Variants in RABGAP1L observed in about 807,000 individuals in gnomAD.
RABGAP1L encodes RAB GTPase activating protein 1 like, also known as rab GTPase-activating protein 1-like.
RABGAP1L carries 63 observed loss-of-function variants against 137.7 expected under a neutral mutation model. The ratio of observed to expected loss-of-function variants is 0.46; its 90% confidence interval spans 0.37 to 0.56. RABGAP1L has a LOEUF of 0.56. Ranked by LOEUF, RABGAP1L falls within the 20% of genes least tolerant of loss-of-function variation. The pLI is 0.00. For synonymous variants in RABGAP1L, 431 were observed against 433.7 expected, an observed-to-expected ratio of 0.99 and a Z score of 0.08; for missense variants, 1,095 against 1,244.0, an observed-to-expected ratio of 0.88 and a Z score of 1.80.
Position 174,817,912 on chromosome 1 carries a change from C to T in RABGAP1L, c.2340+5952C>T, listed in dbSNP as rs891638820. Among the ~76,000 whole-genome samples the T allele has an allele frequency of 3.3e-5, 5 of 152,092 alleles. No homozygotes were observed. In the South Asian group the frequency reaches 6.2e-4, roughly 19 times the overall value. On this transcript the variant is annotated intron_variant, in intron 19 of 25. Coordinates refer to ENST00000681986, the MANE Select transcript of RABGAP1L (RefSeq NM_001366446.1). ...CCTCAGGGCAGATAAAGAGAGCCAG[C>T]GATAGCACTTAGGATTCTTACTTAA...
chr1:174,195,779 T>TC (rs1360903909), intron 1 of RABGAP1L, among the ~76,000 whole-genome samples: 4 of 126,416 alleles, frequency 3.2e-5, no homozygotes, highest in African/African-American at 1.2e-4. Flanking sequence ...CTCTTTCCTT[T>TC]CTTTCTTTTC....
intron 19 of RABGAP1L, among the ~76,000 whole-genome samples, chr1:174,935,961 A>G (rs1156981589): frequency 6.7e-6 from 1 of 149,124 alleles, no homozygotes; most frequent in African/African-American, 2.5e-5. Context: ...AGCCTGGACA[A>G]CAAGAGTAAA....
intron 19 of RABGAP1L, among the ~76,000 whole-genome samples, chr1:174,884,301 G>A (rs748566202): frequency 8.6e-4 from 131 of 152,196 alleles, no homozygotes; most frequent in Middle Eastern, 3.4e-3. Context: ...CCTCCTTATC[G>A]GATTGGCACA....
At chr1:174,635,520 C>T (rs1673934258) in intron 13 of RABGAP1L, among the ~76,000 whole-genome samples, 1 of 152,120 alleles carries the variant, frequency 6.6e-6, no homozygotes, top group African/African-American at 2.4e-5. Flanking sequence ...TACCTTTATA[C>T]TTACCTTATT....
At position 174,327,980 on chromosome 1, in the gene RABGAP1L, C is replaced by CAT. The variant is rs1171437559; in HGVS notation, c.1465+22854_1465+22855insTA. 2.6e-3 allele frequency among the ~76,000 whole-genome samples: 279 copies of CAT among 105,878 alleles called. 11 individuals carry two copies. Among genetic ancestry groups the CAT allele is most frequent in the African/African-American group, 0.01 (252 of 24,250 alleles). 69.5% of individuals were successfully genotyped at this position (105,878 alleles called of 152,430 possible). A position where few individuals can be genotyped will look rare whatever the true frequency, so the allele number is the denominator to read the frequency against. On this transcript the variant is annotated intron_variant, in intron 11 of 25. Coordinates refer to ENST00000681986, the MANE Select transcript of RABGAP1L (RefSeq NM_001366446.1). ...AAATATATATATATATATATATATA[C>CAT]ACACACATATATATATATATATATA...
In RABGAP1L at chr1:174,798,923, A is replaced by G. The variant is rs536365758; in HGVS notation, c.2212-12909A>G. ...GTCATTTTGCCTTCATTTGGCTACA[A>G]CTGATTATTTATTCACAACAAGTAA... On this transcript the variant is annotated intron_variant, in intron 18 of 25. Transcript: ENST00000681986. Among the ~76,000 whole-genome samples, 38 of 152,354 alleles carry G rather than the reference A, an allele frequency of 2.5e-4. No individual in the cohort carries two copies. In the East Asian group the frequency reaches 6.0e-3, roughly 24 times the overall value.
At chr1:174,306,565 T>G (rs1043867825) in intron 11 of RABGAP1L, among the ~76,000 whole-genome samples, 1 of 152,248 alleles carries the variant, frequency 6.6e-6, no homozygotes, top group African/African-American at 2.4e-5. Flanking sequence ...AATATCTTCT[T>G]GAAGTATCTT....
intron 13 of RABGAP1L, among the ~76,000 whole-genome samples, chr1:174,454,659 C>T (rs1440008444): frequency 1.3e-5 from 2 of 150,978 alleles, no homozygotes; most frequent in African/African-American, 4.9e-5. Context: ...ACGCCATTCT[C>T]CTGTCTCAGC....
intron 19 of RABGAP1L, among the ~76,000 whole-genome samples, chr1:174,918,836 C>T (rs1661324609): frequency 7.1e-6 from 1 of 140,012 alleles, no homozygotes; most frequent in Non-Finnish European, 1.5e-5. Flanking sequence ...CCCCCGATCT[C>T]TACACAAAAT....
intron 13 of RABGAP1L, among the ~76,000 whole-genome samples, chr1:174,626,598 T>G (rs571077332): frequency 1.3e-5 from 2 of 152,266 alleles, no homozygotes; most frequent in East Asian, 3.9e-4. Context: ...GGAAGCAGTT[T>G]GTTCACAATA....
At chr1:174,908,514 A>G (rs78145665) in intron 19 of RABGAP1L, among the ~76,000 whole-genome samples, 9,411 of 151,458 alleles carry the variant, frequency 0.062, 414 homozygotes, top group South Asian at 0.088. Context: ...AACACATTAA[A>G]TAAGTAAGTT....
Position 174,804,274 on chromosome 1 carries a change from G to GTTTTTTGGTTT in RABGAP1L, c.2212-7551_2212-7550insGTTTTTTTTTG, listed in dbSNP as rs1553254973. ...TTTTTTGTTTGTTTTGTTTTGTTTT[G>GTTTTTTGGTTT]TTTTTTGTTTTTTTTTTTGAGATAG... On this transcript the variant is annotated intron_variant, in intron 18 of 25. Transcript: ENST00000681986. Among the ~76,000 whole-genome samples, 41 of 138,202 alleles carry GTTTTTTGGTTT rather than the reference G, an allele frequency of 3.0e-4. 1 individual carries two copies. The South Asian group carries it at 4.6e-3, about 15-fold the overall frequency. The allele number at this position is 138,202 out of a possible 152,430, so 90.7% of individuals were successfully genotyped here.
chr1:174,914,338 G>A (rs529105092), intron 19 of RABGAP1L, among the ~76,000 whole-genome samples: 2 of 152,282 alleles, frequency 1.3e-5, no homozygotes, highest in Non-Finnish European at 2.9e-5. Context: ...AGGGGCACAA[G>A]TATCAAATGA....
At chr1:174,515,973 C>T (rs971669542) in intron 13 of RABGAP1L, among the ~76,000 whole-genome samples, 1 of 151,930 alleles carries the variant, frequency 6.6e-6, no homozygotes, top group Non-Finnish European at 1.5e-5. Context: ...AAAATAGGAG[C>T]CAAGCTTCTA....
intron 13 of RABGAP1L, among the ~76,000 whole-genome samples, chr1:174,494,247 A>G (rs1164501758): frequency 6.6e-6 from 1 of 152,054 alleles, no homozygotes; most frequent in Non-Finnish European, 1.5e-5. Context: ...TTTTGTGTTG[A>G]TGTTCTGTTT....
Position 174,561,253 on chromosome 1 carries a change from T to C in RABGAP1L, c.1711-76122T>C, listed in dbSNP as rs546574762. Among the ~76,000 whole-genome samples the C allele has an allele frequency of 7.1e-4, 108 of 152,272 alleles. 2 individuals carry two copies. In the South Asian group the frequency reaches 0.021, roughly 30 times the overall value. ...GAGCCAAATCATGAGTGAACTCCCA[T>C]TCACAATTGCTATAAAGAGAATAAA... On this transcript the variant is annotated intron_variant, in intron 13 of 25. Transcript: ENST00000681986.
intron 17 of RABGAP1L, among the ~76,000 whole-genome samples, chr1:174,702,549 A>AAC (rs1450917015): frequency 6.6e-6 from 1 of 152,180 alleles, no homozygotes; most frequent in Non-Finnish European, 1.5e-5. Context: ...ACCAGTATAA[A>AAC]ATGCCTTTAA....
intron 18 of RABGAP1L, among the ~76,000 whole-genome samples, chr1:174,772,275 G>A (rs975457955): frequency 2.6e-5 from 4 of 151,606 alleles, no homozygotes; most frequent in East Asian, 2.0e-4. Context: ...TATAATATAC[G>A]TAACATAAAA....
intron 13 of RABGAP1L, among the ~76,000 whole-genome samples, chr1:174,417,748 A>G (rs991577856): frequency 3.9e-5 from 6 of 152,164 alleles, no homozygotes; most frequent in African/African-American, 1.4e-4. Flanking sequence ...ATATTAATTT[A>G]CTTTTGTGAC....
Sources: allele counts gnomAD v4.1 joint callset (sites outside exome capture counted in the v4.1 genomes callset), GRCh38; gene constraint gnomAD v4.1.1; transcripts MANE v1.5; gene names NCBI Gene and HGNC (gene_info 2026-07-23, HGNC 2026-07-21).